ANO4: variants seen among roughly 807,000 people sequenced by gnomAD.
The protein encoded by ANO4 is anoctamin-4.
ANO4 carries 69 observed loss-of-function variants against 141.9 expected under a neutral mutation model. That is an observed-to-expected ratio of 0.49 (90% CI 0.40 to 0.59). ANO4 has a LOEUF of 0.59. Among genes scored for constraint, ANO4 ranks in the 20% least tolerant of loss-of-function variants. The pLI, the probability that ANO4 is intolerant of heterozygous loss-of-function variation, is 0.00. For synonymous variants in ANO4, 350 were observed against 394.3 expected (o/e 0.89, Z 1.33); for missense variants, 894 against 1,162.2 (o/e 0.77, Z 3.36).
At chr12:100,932,115 AATATAG>A (rs1453167273) in intron 3 of ANO4, among the ~76,000 whole-genome samples, 14 of 152,046 alleles carry the variant, frequency 9.2e-5, no homozygotes, top group Non-Finnish European at 1.9e-4. Context: ...CTAGAGAATG[AATATAG>A]ATACTTGGAT....
intron 5 of ANO4, among the ~76,000 whole-genome samples, chr12:100,950,292 A>G (rs372281570): frequency 1.3e-5 from 2 of 152,178 alleles, no homozygotes; most frequent in South Asian, 4.1e-4. Context: ...ACTCCACTCA[A>G]TCTTCTTATA....
intron 26 of ANO4, among the ~76,000 whole-genome samples, chr12:101,125,611 C>A (rs1459019172): frequency 2.0e-5 from 3 of 152,098 alleles, no homozygotes; most frequent in Admixed American, 6.6e-5. Flanking sequence ...TTATCAAAGA[C>A]CTTTTCTGCA....
chr12:100,941,818 A>T (rs2042526535), intron 4 of ANO4, among the ~76,000 whole-genome samples: 1 of 152,066 alleles, frequency 6.6e-6, no homozygotes, highest in African/African-American at 2.4e-5. Context: ...CCTTAGTTGC[A>T]TCACATTCTT....
Position 100,729,155 on chromosome 12 carries a change from TTTCA to T in ANO4, c.23-4615_23-4612del, listed in dbSNP as rs1258679322. Among the ~76,000 whole-genome samples the T allele has an allele frequency of 4.6e-5, 7 of 152,168 alleles. No individual in the cohort carries two copies. The South Asian group carries it at 6.2e-4, about 14-fold the overall frequency. ...ACAGATATTATTTTCAGTTTGCTCCTTTCATTCCATATTTTGCTTGTGAGACTCA... is the reference window on the plus strand; with the variant it reads ...ACAGATATTATTTTCAGTTTGCTCCTTTCCATATTTTGCTTGTGAGACTCA... On this transcript the variant is annotated intron_variant, in intron 1 of 29. Coordinates refer to the ANO4 transcript ENST00000644049.
At chr12:100,927,975 T>G (rs1022009531) in intron 3 of ANO4, among the ~76,000 whole-genome samples, 3 of 152,170 alleles carry the variant, frequency 2.0e-5, no homozygotes, top group Admixed American at 6.5e-5. Flanking sequence ...TGCTTGCACG[T>G]GTGTCTACAT....
At chr12:100,838,183 T>C (rs1197549119) in intron 1 of ANO4, among the ~76,000 whole-genome samples, 1 of 134,972 alleles carries the variant, frequency 7.4e-6, no homozygotes, top group Non-Finnish European at 1.5e-5. Context: ...TGAGCCGAGA[T>C]CGCTTCATTA....
At chr12:100,862,965 C>T (rs2038562583) in intron 1 of ANO4, among the ~76,000 whole-genome samples, 1 of 152,110 alleles carries the variant, frequency 6.6e-6, no homozygotes. Context: ...GACAGTGTTA[C>T]TAATCATTTC....
chr12:100,929,664 T>G (rs1291761166), intron 3 of ANO4, among the ~76,000 whole-genome samples: 1 of 152,120 alleles, frequency 6.6e-6, no homozygotes, highest in African/African-American at 2.4e-5. Context: ...GAAGTTCTAT[T>G]TTTAATTTTT....
At position 100,905,565 on chromosome 12, in the gene ANO4, C is replaced by T. The variant is rs73389650; in HGVS notation, c.55+3725C>T. Among the ~76,000 whole-genome samples the T allele has an allele frequency of 3.5e-3, 537 of 152,094 alleles. 4 individuals are homozygous for T. The highest frequency in any genetic ancestry group is 0.012 in the African/African-American group (511 of 41,470). ...GGTCAATGGTGATTTTGATAAGAGC[C>T]GTTTTAGTGGAGTGGTGGGGATGAA... On this transcript the variant is annotated intron_variant, in intron 2 of 27. Transcript: ENST00000392977.
chr12:101,011,801 A>G (rs1323377493), intron 8 of ANO4, among the ~76,000 whole-genome samples: 2 of 152,180 alleles, frequency 1.3e-5, no homozygotes, highest in Non-Finnish European at 2.9e-5. Context: ...TTAAATTTTT[A>G]GATTCACAGA....
chr12:101,063,928 T>C (rs2048465577), intron 14 of ANO4, among the ~76,000 whole-genome samples: 1 of 151,838 alleles, frequency 6.6e-6, no homozygotes, highest in South Asian at 2.1e-4. Flanking sequence ...TCCTGTTCAT[T>C]CTGTCTAAAA....
intron 14 of ANO4, chr12:101,069,331 C>A (rs549766415): frequency 3.0e-6 from 2 of 674,270 alleles, no homozygotes; most frequent in Middle Eastern, 4.3e-4. Context: ...TTGTCTTCAA[C>A]TTTAGTTTAA....
intron 14 of ANO4, among the ~76,000 whole-genome samples, chr12:101,057,020 A>G (rs911918646): frequency 6.6e-6 from 1 of 151,002 alleles, no homozygotes; most frequent in Non-Finnish European, 1.5e-5. Flanking sequence ...CTATCCCCCA[A>G]CAGGCCCCAG....
intron 5 of ANO4, among the ~76,000 whole-genome samples, chr12:100,949,513 G>A (rs80296905): frequency 0.083 from 12,660 of 152,166 alleles, 701 homozygotes; most frequent in African/African-American, 0.14. Flanking sequence ...TATATGGTAA[G>A]CATTTAGTAA....
At chr12:100,820,006 A>T (rs1486356146) in intron 1 of ANO4, among the ~76,000 whole-genome samples, 3 of 151,912 alleles carry the variant, frequency 2.0e-5, no homozygotes, top group Non-Finnish European at 2.9e-5. Flanking sequence ...GTCTCTAAGT[A>T]AACTCTCTGC....
At chr12:100,960,616 A>G (rs2043377316) in intron 5 of ANO4, among the ~76,000 whole-genome samples, 1 of 151,832 alleles carries the variant, frequency 6.6e-6, no homozygotes, top group South Asian at 2.1e-4. Flanking sequence ...AAAAAAAAAG[A>G]CAGATAGTAA....
chr12:101,112,037 G>A (rs571109780), intron 24 of ANO4, among the ~76,000 whole-genome samples: 4 of 152,096 alleles, frequency 2.6e-5, no homozygotes, highest in Non-Finnish European at 4.4e-5. Flanking sequence ...ATATGCTAAT[G>A]TGTATACCAA....
intron 14 of ANO4, among the ~76,000 whole-genome samples, chr12:101,069,812 G>T (rs1343036082): frequency 1.3e-5 from 2 of 152,090 alleles, no homozygotes; most frequent in Admixed American, 1.3e-4. Flanking sequence ...TTTGAGGGGA[G>T]AAAAGTATCT....
intron 1 of ANO4, among the ~76,000 whole-genome samples, chr12:100,725,254 T>C (rs1236548181): frequency 1.3e-5 from 2 of 152,198 alleles, no homozygotes; most frequent in African/African-American, 2.4e-5. Flanking sequence ...GTGAGATGTT[T>C]GTTTGCTCAG....
Sources: gnomAD v4.1 joint callset for allele counts (sites outside exome capture counted in the v4.1 genomes callset) on GRCh38, gnomAD v4.1.1 for gene constraint, MANE v1.5 for transcripts, NCBI Gene and HGNC (gene_info 2026-07-23, HGNC 2026-07-21) for gene names.